The following SS18 variants were observed in gnomAD, a reference collection of about 807,000 sequenced individuals.
SS18 encodes the protein SS18 subunit of BAF chromatin remodeling complex, also known as protein SSXT.
In SS18, 28 loss-of-function variants were observed where a neutral mutation model predicts 72.5. That is an observed-to-expected ratio of 0.39 (90% CI 0.29 to 0.53). SS18 has a LOEUF of 0.53. Among genes scored for constraint, SS18 ranks in the 20% least tolerant of loss-of-function variants. SS18 has a pLI of 0.76. For synonymous variants in SS18, 172 were observed against 164.2 expected, an observed-to-expected ratio of 1.05 and a Z score of -0.37; for missense variants, 518 against 535.3, an observed-to-expected ratio of 0.97 and a Z score of 0.32.
chr18:26,039,168 C>CAAAAAAAAAAAAAAAAAAAAAAAAAAAA (rs34318951), intron 6 of SS18, 121 bp downstream of exon 6: 1 of 236,436 alleles, frequency 4.2e-6, no homozygotes, highest in Non-Finnish European at 7.2e-6. Context: ...TACCTTTTGT[C>CAAAAAAAAAAAAAAAAAAAAAAAAAAAA]AAAAAAAAAA....
chr18:26,078,377 A>T (rs2144141862), intron 2 of SS18: 1 of 394,292 alleles, frequency 2.5e-6, no homozygotes, highest in South Asian at 5.1e-5. Context: ...ATAGTGTTAT[A>T]ATTTTTTATA....
At chr18:26,077,875 C>A (rs555520866) in intron 3 of SS18, among the ~76,000 whole-genome samples, 1 of 152,162 alleles carries the variant, frequency 6.6e-6, no homozygotes, top group Admixed American at 6.5e-5. Flanking sequence ...ATATAACCTT[C>A]TCAGGGACAG....
chr18:26,066,844 C>A (rs1195500328), intron 3 of SS18, among the ~76,000 whole-genome samples: 5 of 152,106 alleles, frequency 3.3e-5, no homozygotes, highest in African/African-American at 1.2e-4. Context: ...CTATGAAATA[C>A]AGGAATACTG....
chr18:26,057,623 C>A lies in SS18; in HGVS notation c.351G>T (p.Pro117=), dbSNP rs200977381. Residue 117 remains proline, a synonymous_variant, in exon 4 of 11, where the codon CCG becomes CCT. Transcript: ENST00000415083. ...GGCCGTTCATCTGGTTCTGCATGTG[C>A]GGTGCAGGAGGACCCCCACCTACCA... is the stretch of plus-strand genomic sequence containing the variant. ...DGMVGGGPPA[P]HMQNQMNGQM... 6.2e-7 allele frequency: 1 copy of A among 1,613,962 alleles called. No homozygotes were observed. The highest frequency in any genetic ancestry group is 1.1e-5 in the South Asian group (1 of 91,068).
intron 1 of SS18, 133 bp downstream of exon 1, chr18:26,090,368 C>G: frequency 1.1e-6 from 1 of 879,078 alleles, no homozygotes; most frequent in Non-Finnish European, 1.8e-6. Context: ...AGTCCGTGTT[C>G]CCAAACACTG....
chr18:26,023,837 A>C (rs1282302590), intron 10 of SS18, among the ~76,000 whole-genome samples: 1 of 139,758 alleles, frequency 7.2e-6, no homozygotes, highest in Non-Finnish European at 1.5e-5. Context: ...GGTCAATTTA[A>C]AAATTTTTTT....
chr18:26,082,445 C>T, intron 2 of SS18: 1 of 977,248 alleles, frequency 1.0e-6, no homozygotes. Flanking sequence ...ATTTAAACAA[C>T]TCTTTTAAAT....
At chr18:26,022,140 T>C (rs1037933772) in intron 10 of SS18, among the ~76,000 whole-genome samples, 1 of 152,190 alleles carries the variant, frequency 6.6e-6, no homozygotes, top group African/African-American at 2.4e-5. Flanking sequence ...GGGTTTCCTC[T>C]TAACTCTGGT....
chr18:26,073,667 GAT>G (rs1351311126), intron 3 of SS18, among the ~76,000 whole-genome samples: 2 of 152,116 alleles, frequency 1.3e-5, no homozygotes, highest in East Asian at 3.8e-4. Context: ...GAAAGAAAAA[GAT>G]AGTTTCAGTT....
intron 9 of SS18, among the ~76,000 whole-genome samples, chr18:26,034,271 A>C (rs538632162): frequency 6.6e-6 from 1 of 152,234 alleles, no homozygotes; most frequent in African/African-American, 2.4e-5. Flanking sequence ...CCCTGTTAGG[A>C]AGAGAAGGAG....
At chr18:26,033,563 T>C (rs1441244079) in intron 9 of SS18, among the ~76,000 whole-genome samples, 1 of 151,638 alleles carries the variant, frequency 6.6e-6, no homozygotes, top group Non-Finnish European at 1.5e-5. Flanking sequence ...AAATGTTTTC[T>C]ATCGTAGCCA....
intron 4 of SS18, among the ~76,000 whole-genome samples, chr18:26,053,597 T>TTAAC (rs752954471): frequency 1.0e-4 from 15 of 150,538 alleles, no homozygotes; most frequent in Non-Finnish European, 1.9e-4. Flanking sequence ...AATTAATTAC[T>TTAAC]TAACATATGA....
In SS18 at chr18:26,039,283, T is replaced by A. The variant is rs200542749; in HGVS notation, c.775+6A>T. 1 of 1,590,174 alleles carries A rather than the reference T, an allele frequency of 6.3e-7. No homozygotes were observed. Among genetic ancestry groups the A allele is most frequent in the Non-Finnish European group, 8.6e-7 (1 of 1,165,032 alleles). ...TAAGTAGCAAATTTTCCAAATGGAA[T>A]CTTACCCTGTTGAGGAGGTCTATAG... On this transcript the variant is annotated splice_donor_region_variant and intron_variant, in intron 6 of 10. Coordinates refer to ENST00000415083, the MANE Select transcript of SS18 (RefSeq NM_001007559.3).
Position 26,039,292 on chromosome 18 carries a change from G to T in SS18, c.772C>A (p.Gln258Lys). Residue 258 changes from glutamine to lysine, a missense_variant, in exon 6 of 11, where the codon CAG becomes AAG. Coordinates refer to ENST00000415083, the MANE Select transcript of SS18 (RefSeq NM_001007559.3). ...RQIPPYRPPQ[Q>K]GPPQQYSGQE... ...AATTTTCCAAATGGAATCTTACCCT[G>T]TTGAGGAGGTCTATAGGGAGGAATC... The T allele has an allele frequency of 6.2e-7, 1 of 1,603,584 alleles. No individual in the cohort carries two copies. The highest frequency in any genetic ancestry group is 1.1e-5 in the South Asian group (1 of 89,452).
intron 5 of SS18, among the ~76,000 whole-genome samples, chr18:26,044,246 G>C (rs1040920146): frequency 6.6e-6 from 1 of 151,992 alleles, no homozygotes; most frequent in Non-Finnish European, 1.5e-5. Flanking sequence ...CTATACTTAA[G>C]TGAATTTGCC....
Position 26,081,263 on chromosome 18 carries a change from C to T in SS18, c.147-3103G>A, listed in dbSNP as rs147672671. 2.3e-3 allele frequency: 357 copies of T among 152,272 alleles called. 2 individuals carry two copies. The highest frequency in any genetic ancestry group is 0.014 in the Middle Eastern group (4 of 294). The allele number at this position is 152,272 out of a possible 1,614,324, so 9.4% of individuals were successfully genotyped here. ...GGAGTGCAGTGGTGCGATCTTGGCTCACTTGTAATCTCCGCCTCCCAGGTT... is the reference window on the plus strand; with the variant it reads ...GGAGTGCAGTGGTGCGATCTTGGCTTACTTGTAATCTCCGCCTCCCAGGTT... On this transcript the variant is annotated intron_variant, in intron 2 of 10. Transcript: ENST00000415083.
intron 3 of SS18, among the ~76,000 whole-genome samples, chr18:26,077,503 G>C (rs546550686): frequency 6.6e-6 from 1 of 152,190 alleles, no homozygotes; most frequent in South Asian, 2.1e-4. Context: ...AAGAGACTAA[G>C]ACACATATCA....
chr18:26,083,851 G>GCC (rs1411195803), intron 2 of SS18, among the ~76,000 whole-genome samples: 1 of 152,132 alleles, frequency 6.6e-6, no homozygotes, highest in Admixed American at 6.5e-5. Context: ...AAGTAGATCA[G>GCC]CTAGTTAATT....
intron 2 of SS18, among the ~76,000 whole-genome samples, chr18:26,083,257 TCA>T (rs1491385443): frequency 1.3e-5 from 2 of 148,236 alleles, no homozygotes; most frequent in Admixed American, 6.9e-5. Flanking sequence ...AGGGAAATGA[TCA>T]TATATATATA....
Sources: gnomAD v4.1 joint callset for allele counts (sites outside exome capture counted in the v4.1 genomes callset) on GRCh38, gnomAD v4.1.1 for gene constraint, MANE v1.5 for transcripts, NCBI Gene and HGNC (gene_info 2026-07-23, HGNC 2026-07-21) for gene names.